The following FRMD4A variants were observed in gnomAD, a reference collection of about 807,000 sequenced individuals.
FRMD4A encodes the protein FERM domain containing 4A.
FRMD4A carries 29 observed loss-of-function variants against 129.1 expected under a neutral mutation model. That is an observed-to-expected ratio of 0.22 (90% CI 0.17 to 0.31). The LOEUF is 0.31. Among genes scored for constraint, FRMD4A ranks in the 10% least tolerant of loss-of-function variants. FRMD4A has a pLI of 1.00. For synonymous variants in FRMD4A, 634 were observed against 571.6 expected (o/e 1.11, Z -1.56); for missense variants, 1,272 against 1,375.8 (o/e 0.92, Z 1.19).
intron 2 of FRMD4A, among the ~76,000 whole-genome samples, chr10:13,974,989 GTGTGTGTC>G: frequency 6.6e-6 from 1 of 151,744 alleles, no homozygotes; most frequent in East Asian, 1.9e-4. Context: ...AGGTGTGTGT[GTGTGTGTC>G]TGTGTGAGTG....
At chr10:14,061,218 G>A (rs919530376) in intron 2 of FRMD4A, among the ~76,000 whole-genome samples, 3 of 152,236 alleles carry the variant, frequency 2.0e-5, no homozygotes, top group Admixed American at 6.5e-5. Flanking sequence ...GGCCGAAGCG[G>A]GTGGACTACC....
At chr10:13,882,065 A>C (rs2094553763) in intron 2 of FRMD4A, among the ~76,000 whole-genome samples, 1 of 150,332 alleles carries the variant, frequency 6.7e-6, no homozygotes, top group Non-Finnish European at 1.5e-5. Context: ...AAAGAAGTTT[A>C]AGAAATAAGA....
At chr10:13,671,876 G>A (rs1273894576) in intron 16 of FRMD4A, among the ~76,000 whole-genome samples, 2 of 152,282 alleles carry the variant, frequency 1.3e-5, no homozygotes, top group East Asian at 3.8e-4. Flanking sequence ...CAACGCAGAT[G>A]CTGCACAAAG....
At chr10:14,027,416 G>A (rs1833034742) in intron 2 of FRMD4A, among the ~76,000 whole-genome samples, 1 of 152,206 alleles carries the variant, frequency 6.6e-6, no homozygotes, top group African/African-American at 2.4e-5. Flanking sequence ...CGAGGCGGGT[G>A]GACAGCCTGA....
At chr10:13,869,510 C>T (rs756064618) in intron 2 of FRMD4A, among the ~76,000 whole-genome samples, 21 of 152,260 alleles carry the variant, frequency 1.4e-4, no homozygotes, top group Non-Finnish European at 2.4e-4. Flanking sequence ...GCAGCCAACG[C>T]TCTGACTACA....
At position 14,296,085 on chromosome 10, in the gene FRMD4A, C is replaced by T. The variant is rs372236458; in HGVS notation, c.45+33973G>A. ...ATGCAAAAATAATCACCTCGCCTGG[C>T]GACGGGGGGTCTCTGGTCATAACTC... On this transcript the variant is annotated intron_variant, in intron 2 of 24. Coordinates refer to ENST00000357447, the MANE Select transcript of FRMD4A (RefSeq NM_018027.5). Among the ~76,000 whole-genome samples the T allele has an allele frequency of 6.5e-4, 99 of 151,788 alleles. No individual in the cohort carries two copies. The East Asian group carries it at 9.7e-3, about 15-fold the overall frequency.
intron 2 of FRMD4A, among the ~76,000 whole-genome samples, chr10:14,293,342 C>T (rs10796178): frequency 0.34 from 50,963 of 151,940 alleles, 8,798 homozygotes; most frequent in Middle Eastern, 0.37. Context: ...CACCAGATGC[C>T]GGTGCCATGC....
At chr10:13,814,580 C>T (rs1303373065) in intron 3 of FRMD4A, among the ~76,000 whole-genome samples, 1 of 41,390 alleles carries the variant, frequency 2.4e-5, no homozygotes, top group Non-Finnish European at 4.4e-5. Flanking sequence ...GACCCTGTTT[C>T]AAAAAAAAAA....
intron 12 of FRMD4A, among the ~76,000 whole-genome samples, chr10:13,722,256 G>C (rs2089481030): frequency 7.0e-6 from 1 of 141,958 alleles, no homozygotes; most frequent in Non-Finnish European, 1.5e-5. Flanking sequence ...TCCTGACTCA[G>C]GGTCTTGTTC....
intron 14 of FRMD4A, among the ~76,000 whole-genome samples, chr10:13,699,268 G>T (rs1397369690): frequency 5.8e-5 from 8 of 137,460 alleles, no homozygotes; most frequent in South Asian, 4.8e-4. Flanking sequence ...GTAAAGACTG[G>T]GTTTCCCCAT....
chr10:13,757,049 G>A (rs768815634), intron 8 of FRMD4A, among the ~76,000 whole-genome samples: 1 of 152,182 alleles, frequency 6.6e-6, no homozygotes, highest in African/African-American at 2.4e-5. Flanking sequence ...CACTGTTTAC[G>A]ATGAATAAAG....
chr10:14,097,166 A>AT (rs1221424101), intron 2 of FRMD4A: 1 of 80,454 alleles, frequency 1.2e-5, no homozygotes, highest in African/African-American at 5.9e-5. Flanking sequence ...AAAAAAAAAA[A>AT]AGAAAAGAAA....
intron 2 of FRMD4A, among the ~76,000 whole-genome samples, chr10:14,215,286 A>G (rs537541890): frequency 5.9e-5 from 9 of 152,336 alleles, no homozygotes; most frequent in Non-Finnish European, 1.0e-4. Context: ...AAAGCCATCA[A>G]TATGAACCAC....
intron 2 of FRMD4A, among the ~76,000 whole-genome samples, chr10:14,160,411 C>G (rs537727688): frequency 1.3e-5 from 2 of 152,228 alleles, no homozygotes; most frequent in Non-Finnish European, 2.9e-5. Context: ...CTCAAAAGCA[C>G]AGGCAACAAC....
chr10:13,734,396 A>G (rs1261407581), intron 12 of FRMD4A, among the ~76,000 whole-genome samples: 1 of 152,096 alleles, frequency 6.6e-6, no homozygotes, highest in Non-Finnish European at 1.5e-5. Context: ...AACACTCCCT[A>G]TAGAGGAGGA....
intron 17 of FRMD4A, chr10:13,668,032 C>A (rs901528849): frequency 6.6e-6 from 1 of 152,140 alleles, no homozygotes; most frequent in Non-Finnish European, 1.5e-5. Flanking sequence ...TGCCTCTGGG[C>A]ACAATGCACC....
chr10:13,978,581 A>G (rs1326829635), intron 2 of FRMD4A, among the ~76,000 whole-genome samples: 1 of 152,140 alleles, frequency 6.6e-6, no homozygotes, highest in Non-Finnish European at 1.5e-5. Context: ...CCAAACCCAA[A>G]CAGTCTTTTG....
intron 2 of FRMD4A, among the ~76,000 whole-genome samples, chr10:13,980,945 G>GA (rs1485627143): frequency 1.3e-5 from 2 of 152,220 alleles, no homozygotes; most frequent in East Asian, 1.9e-4. Flanking sequence ...AAGTGAGTAA[G>GA]AAAAAAATAA....
chr10:14,086,712 T>C (rs575929527), intron 2 of FRMD4A, among the ~76,000 whole-genome samples: 1 of 152,292 alleles, frequency 6.6e-6, no homozygotes, highest in South Asian at 2.1e-4. Flanking sequence ...AGCTTACTTA[T>C]ATAATGTATG....
Sources: allele counts gnomAD v4.1 joint callset (sites outside exome capture counted in the v4.1 genomes callset), GRCh38; gene constraint gnomAD v4.1.1; transcripts MANE v1.5; gene names NCBI Gene and HGNC (gene_info 2026-07-23, HGNC 2026-07-21).